Variants in TGM6 observed in about 807,000 individuals in gnomAD.
The protein encoded by TGM6 is transglutaminase 6.
In TGM6, 74 loss-of-function variants were observed where a neutral mutation model predicts 77.5. That is an observed-to-expected ratio of 0.96 (90% CI 0.79 to 1.16). TGM6 has a LOEUF of 1.16. TGM6 is among the 50% of genes most tolerant of loss of function. The probability of loss-of-function intolerance (pLI) is 0.00; values close to 1 mark genes in which losing one functional copy is unlikely to be tolerated. For synonymous variants in TGM6, 383 were observed against 378.9 expected, an observed-to-expected ratio of 1.01 and a Z score of -0.12; for missense variants, 968 against 940.2, an observed-to-expected ratio of 1.03 and a Z score of -0.39.
rs578255622 is a variant in TGM6, at chr20:2,429,091, C to T, written c.1679-1355C>T. On this transcript the variant is annotated intron_variant, in intron 10 of 12. Coordinates refer to ENST00000202625, the MANE Select transcript of TGM6 (RefSeq NM_198994.3). ...CCACCCGCCTTCACCTCCCAAAGTG[C>T]TGGGATTACAGGCGTGAGCCACGGC... Among the ~76,000 whole-genome samples, 11 of 152,310 alleles carry T rather than the reference C, an allele frequency of 7.2e-5. No homozygotes were observed. In the South Asian group the frequency reaches 2.3e-3, roughly 32 times the overall value.
intron 10 of TGM6, among the ~76,000 whole-genome samples, chr20:2,421,388 T>G (rs552435368): frequency 6.6e-6 from 1 of 152,356 alleles, no homozygotes; most frequent in African/African-American, 2.4e-5. Flanking sequence ...CCAAAGTGGC[T>G]GTATCATTTT....
At chr20:2,399,191 G>A (rs2122360343) in intron 5 of TGM6, among the ~76,000 whole-genome samples, 1 of 151,834 alleles carries the variant, frequency 6.6e-6, no homozygotes, top group African/African-American at 2.4e-5. Context: ...ACTTCAACAG[G>A]TTAATATAGT....
chr20:2,429,121 G>A (rs1014865539), intron 10 of TGM6, among the ~76,000 whole-genome samples: 5 of 152,046 alleles, frequency 3.3e-5, no homozygotes, highest in South Asian at 2.1e-4. Context: ...CACGGCACCC[G>A]GCCTATAATT....
intron 10 of TGM6, among the ~76,000 whole-genome samples, chr20:2,428,626 T>C (rs1382380663): frequency 6.6e-6 from 1 of 152,128 alleles, no homozygotes; most frequent in Admixed American, 6.6e-5. Context: ...GAGCATTCAA[T>C]TTATGTTTAT....
chr20:2,397,769 T>C (rs1220039381), intron 4 of TGM6, 149 bp from the exon 5 acceptor site: 18 of 1,246,744 alleles, frequency 1.4e-5, no homozygotes, highest in Non-Finnish European at 1.9e-5. Context: ...TTTCCAAGAC[T>C]AGGGGGTGCT....
chr20:2,414,936 G>C (rs1177348170), intron 9 of TGM6, among the ~76,000 whole-genome samples: 1 of 133,366 alleles, frequency 7.5e-6, no homozygotes, highest in Non-Finnish European at 1.6e-5. Flanking sequence ...ACAGAATTTG[G>C]GGGGGGGGGT....
intron 3 of TGM6, 23 bp from the exon 4 acceptor site, chr20:2,396,483 C>G (rs770515278): frequency 6.2e-7 from 1 of 1,610,172 alleles, no homozygotes; most frequent in Admixed American, 1.7e-5. Context: ...CAGTCCACAC[C>G]GGGCCTGATG....
Position 2,400,332 on chromosome 20 carries a change from C to A in TGM6, c.877C>A (p.Arg293=). The change falls in exon 7 of 13, where the codon CGG becomes AGG. Residue 293 remains arginine (R), a synonymous_variant. Transcript: ENST00000202625. ...CCTCAGGTGCTTGGGGATAGCCACA[C>A]GGGTCGTGTCCAACTTCAACTCAGC... The part of the protein sequence containing the change: ...TVLRCLGIAT[R]VVSNFNSAHD... 2 of 1,614,194 alleles carry A rather than the reference C, an allele frequency of 1.2e-6. No homozygotes were observed. The highest frequency in any genetic ancestry group is 2.2e-5 in the South Asian group (2 of 91,092).
chr20:2,412,988 A>T (rs893241640), intron 9 of TGM6, among the ~76,000 whole-genome samples: 1 of 152,236 alleles, frequency 6.6e-6, no homozygotes, highest in African/African-American at 2.4e-5. Flanking sequence ...ATCCTATCAA[A>T]GTTACAGCTG....
In TGM6 at chr20:2,398,036, T is replaced by A. The variant is rs774987685; in HGVS notation, c.662T>A (p.Ile221Asn). ...AACCCCATCTACGTCACCAGGGTCATCAGTGCCATGGTGAGAAGCCCCTCC... is the reference window on the plus strand; with the variant it reads ...AACCCCATCTACGTCACCAGGGTCAACAGTGCCATGGTGAGAAGCCCCTCC... The part of the protein sequence containing the change: ...RHNPIYVTRV[I>N]SAMVNSNNDR... Residue 221 changes from isoleucine to asparagine, a missense_variant, in exon 5 of 13, where the codon ATC becomes AAC. Transcript: ENST00000202625. The A allele has an allele frequency of 1.2e-6, 2 of 1,614,114 alleles. No individual in the cohort carries two copies. The highest frequency in any genetic ancestry group is 1.3e-5 in the African/African-American group (1 of 75,032).
intron 7 of TGM6, among the ~76,000 whole-genome samples, chr20:2,402,319 G>C (rs1221186160): frequency 6.6e-6 from 1 of 152,132 alleles, no homozygotes; most frequent in African/African-American, 2.4e-5. Flanking sequence ...GAGACACAGA[G>C]AGCCTTGTAT....
At chr20:2,427,894 T>C (rs1446090262) in intron 10 of TGM6, among the ~76,000 whole-genome samples, 1 of 152,200 alleles carries the variant, frequency 6.6e-6, no homozygotes, top group Non-Finnish European at 1.5e-5. Flanking sequence ...TAGCTGAGAC[T>C]ACAGGCACGT....
chr20:2,394,446 AC>A lies in TGM6; in HGVS notation c.8-3del. Reference sequence around the variant, plus strand: ...GGCCTCATCTCCCTGTCCTCTCCCCACCCAGGGATCAGAGTCACCAAGGTGG... The same window carrying A: ...GGCCTCATCTCCCTGTCCTCTCCCCACCAGGGATCAGAGTCACCAAGGTGG... On this transcript the variant is annotated splice_region_variant and splice_polypyrimidine_tract_variant and intron_variant, in intron 1 of 12. Coordinates refer to ENST00000202625, the MANE Select transcript of TGM6 (RefSeq NM_198994.3). 1.2e-6 allele frequency: 2 copies of A among 1,611,296 alleles called. 1 individual carries two copies. Among genetic ancestry groups the A allele is most frequent in the South Asian group, 2.2e-5 (2 of 90,984 alleles).
chr20:2,385,350 C>T (rs1335515765), intron 1 of TGM6, among the ~76,000 whole-genome samples: 1 of 151,870 alleles, frequency 6.6e-6, no homozygotes, highest in African/African-American at 2.4e-5. Context: ...TCAGCACTCT[C>T]TCGGCTGGGG....
intron 1 of TGM6, among the ~76,000 whole-genome samples, chr20:2,391,833 G>A (rs1354078852): frequency 6.6e-6 from 1 of 152,064 alleles, no homozygotes; most frequent in Non-Finnish European, 1.5e-5. Context: ...CCAAGCATTG[G>A]TGGTCTGCCG....
At chr20:2,390,205 G>A (rs2084621400) in intron 1 of TGM6, among the ~76,000 whole-genome samples, 1 of 152,148 alleles carries the variant, frequency 6.6e-6, no homozygotes, top group South Asian at 2.1e-4. Context: ...TGTTCCTGGT[G>A]GTCTTTGGGT....
chr20:2,422,918 C>T (rs1012746040), intron 10 of TGM6, among the ~76,000 whole-genome samples: 1 of 148,568 alleles, frequency 6.7e-6, no homozygotes, highest in African/African-American at 2.5e-5. Context: ...CCACTGCACT[C>T]CAGCCTGGGT....
intron 1 of TGM6, among the ~76,000 whole-genome samples, chr20:2,393,788 A>G (rs1052054973): frequency 1.3e-5 from 2 of 152,072 alleles, no homozygotes; most frequent in Non-Finnish European, 2.9e-5. Flanking sequence ...CGGCCTCCCA[A>G]AGTGCTAGGA....
intron 4 of TGM6, among the ~76,000 whole-genome samples, chr20:2,397,050 C>T (rs763212127): frequency 1.3e-5 from 2 of 152,154 alleles, no homozygotes; most frequent in Non-Finnish European, 2.9e-5. Flanking sequence ...CACACTTTAA[C>T]AGCCACTGGC....
Sources: allele counts gnomAD v4.1 joint callset (sites outside exome capture counted in the v4.1 genomes callset), GRCh38; gene constraint gnomAD v4.1.1; transcripts MANE v1.5; gene names NCBI Gene and HGNC (gene_info 2026-07-23, HGNC 2026-07-21).